RBMS3: variants seen among roughly 807,000 people sequenced by gnomAD.
RBMS3 encodes RNA binding motif single stranded interacting protein 3, also known as RNA-binding motif, single-stranded-interacting protein 3.
Under a neutral mutation model 66.8 loss-of-function variants are expected in RBMS3, and 27 were observed. The observed-to-expected ratio is 0.40, with a 90% CI of 0.30 to 0.56. The LOEUF (loss-of-function observed/expected upper bound fraction) is 0.56. Ranked by LOEUF, RBMS3 falls within the 20% of genes least tolerant of loss-of-function variation. The probability of loss-of-function intolerance (pLI) is 0.40; values close to 1 mark genes in which losing one functional copy is unlikely to be tolerated. For missense variants in RBMS3, 513 were observed against 549.5 expected (o/e 0.93, Z 0.66); for synonymous variants, 188 against 183.0 (o/e 1.03, Z -0.22).
intron 3 of RBMS3, among the ~76,000 whole-genome samples, chr3:29,525,568 C>T (rs2045060516): frequency 6.6e-6 from 1 of 152,198 alleles, no homozygotes; most frequent in Non-Finnish European, 1.5e-5. Flanking sequence ...GTTCTCTTTC[C>T]TTTTTGGGTT....
At chr3:29,787,940 A>T (rs2056876574) in intron 6 of RBMS3, among the ~76,000 whole-genome samples, 1 of 152,118 alleles carries the variant, frequency 6.6e-6, no homozygotes, top group Admixed American at 6.6e-5. Flanking sequence ...TGTACATTTG[A>T]TTTATTTTAT....
chr3:29,663,752 T>G (rs989339561), intron 4 of RBMS3, among the ~76,000 whole-genome samples: 1 of 138,998 alleles, frequency 7.2e-6, no homozygotes, highest in Non-Finnish European at 1.7e-5. Context: ...GATTGTTTCT[T>G]TTTTAAAAAA....
intron 4 of RBMS3, among the ~76,000 whole-genome samples, chr3:29,664,891 T>G (rs72846087): frequency 0.036 from 5,470 of 152,118 alleles, 215 homozygotes; most frequent in African/African-American, 0.092. Flanking sequence ...TATTCAAGAT[T>G]TCTGTACAGT....
At chr3:29,762,103 T>C (rs1337263109) in intron 5 of RBMS3, among the ~76,000 whole-genome samples, 1 of 152,136 alleles carries the variant, frequency 6.6e-6, no homozygotes. Flanking sequence ...GCTCAAAATG[T>C]TCATGCTTTA....
intron 4 of RBMS3, among the ~76,000 whole-genome samples, chr3:29,718,212 A>C (rs967965892): frequency 6.6e-6 from 1 of 152,174 alleles, no homozygotes. Flanking sequence ...ATCTACCTCC[A>C]GAGACAAACA....
intron 3 of RBMS3, among the ~76,000 whole-genome samples, chr3:29,545,092 A>C (rs2045904084): frequency 6.6e-6 from 1 of 152,174 alleles, no homozygotes; most frequent in Non-Finnish European, 1.5e-5. Flanking sequence ...AATGAAAAGA[A>C]ACTAAAAGCC....
At chr3:29,780,958 GTTTTA>G (rs1054417459) in intron 6 of RBMS3, among the ~76,000 whole-genome samples, 6 of 151,838 alleles carry the variant, frequency 4.0e-5, no homozygotes, top group Admixed American at 2.6e-4. Flanking sequence ...AACAGTTCTT[GTTTTA>G]TTTTATTTTA....
chr3:29,593,427 C>A (rs1185464347), intron 4 of RBMS3, among the ~76,000 whole-genome samples: 1 of 152,164 alleles, frequency 6.6e-6, no homozygotes, highest in Non-Finnish European at 1.5e-5. Context: ...AACATAGAGG[C>A]TTCTCAAGGG....
At chr3:29,963,696 C>T (rs768438497) in intron 12 of RBMS3, among the ~76,000 whole-genome samples, 11 of 151,818 alleles carry the variant, frequency 7.2e-5, no homozygotes, top group East Asian at 3.9e-4. Flanking sequence ...GGTGTGGTGG[C>T]GCGTGCTTAT....
intron 12 of RBMS3, among the ~76,000 whole-genome samples, chr3:29,949,373 GACACAA>G (rs765900461): frequency 6.6e-6 from 1 of 151,748 alleles, no homozygotes; most frequent in Non-Finnish European, 1.5e-5. Context: ...CATGAAAGCA[GACACAA>G]GCCACGTGCA....
At chr3:29,973,362 T>C (rs191784576) in intron 12 of RBMS3, among the ~76,000 whole-genome samples, 19 of 151,976 alleles carry the variant, frequency 1.3e-4, no homozygotes, top group African/African-American at 4.3e-4. Context: ...CTGGGTACTA[T>C]GGTGAATGTA....
chr3:29,700,734 T>C (rs1168446400), intron 4 of RBMS3, among the ~76,000 whole-genome samples: 1 of 148,630 alleles, frequency 6.7e-6, no homozygotes, highest in East Asian at 2.0e-4. Flanking sequence ...TAATGGGGAG[T>C]TAGGGGAGAA....
At chr3:29,580,455 T>A (rs2047284644) in intron 3 of RBMS3, among the ~76,000 whole-genome samples, 2 of 152,098 alleles carry the variant, frequency 1.3e-5, no homozygotes. Flanking sequence ...ACCAGAGCTG[T>A]ACACCCTAAG....
At chr3:29,405,025 C>A (rs2125673278) in intron 1 of RBMS3, among the ~76,000 whole-genome samples, 1 of 152,064 alleles carries the variant, frequency 6.6e-6, no homozygotes, top group South Asian at 2.1e-4. Flanking sequence ...AGTTAAAAAC[C>A]ACAATAACCA....
chr3:29,725,325 A>G (rs2053816469), intron 4 of RBMS3, among the ~76,000 whole-genome samples: 1 of 152,218 alleles, frequency 6.6e-6, no homozygotes, highest in African/African-American at 2.4e-5. Context: ...AATTGCAAAT[A>G]AAAATTCAAA....
chr3:29,899,131 C>G (rs1434996985), intron 9 of RBMS3, among the ~76,000 whole-genome samples: 1 of 151,630 alleles, frequency 6.6e-6, no homozygotes, highest in Non-Finnish European at 1.5e-5. Context: ...GGCTGACATA[C>G]TCATTTTTAT....
At chr3:29,906,024 T>C (rs946265273) in intron 10 of RBMS3, among the ~76,000 whole-genome samples, 1 of 152,116 alleles carries the variant, frequency 6.6e-6, no homozygotes, top group Non-Finnish European at 1.5e-5. Context: ...TATGGGAAAT[T>C]TAAGAATATG....
intron 4 of RBMS3, among the ~76,000 whole-genome samples, chr3:29,589,456 T>G (rs945819628): frequency 6.6e-6 from 1 of 152,138 alleles, no homozygotes; most frequent in African/African-American, 2.4e-5. Context: ...AGATTTTACC[T>G]TATTAATTCT....
intron 4 of RBMS3, among the ~76,000 whole-genome samples, chr3:29,682,399 G>A (rs180932141): frequency 4.6e-5 from 7 of 152,238 alleles, no homozygotes; most frequent in Admixed American, 6.5e-5. Flanking sequence ...ATGATCCGCC[G>A]GCCTTGGCCT....
Sources: gnomAD v4.1 joint callset for allele counts (sites outside exome capture counted in the v4.1 genomes callset) on GRCh38, gnomAD v4.1.1 for gene constraint, MANE v1.5 for transcripts, NCBI Gene and HGNC (gene_info 2026-07-23, HGNC 2026-07-21) for gene names.